Variants in PRKCB observed in about 807,000 individuals in gnomAD.
The protein encoded by PRKCB is protein kinase C beta.
In PRKCB, 13 loss-of-function variants were observed where a neutral mutation model predicts 81.5. That is an observed-to-expected ratio of 0.16 (90% CI 0.10 to 0.25). PRKCB has a LOEUF of 0.25. Ranked by LOEUF, PRKCB falls within the 10% of genes least tolerant of loss-of-function variation. PRKCB has a pLI of 1.00. For missense variants in PRKCB, 509 were observed against 875.7 expected (o/e 0.58, Z 5.29); for synonymous variants, 335 against 321.4 (o/e 1.04, Z -0.45).
intron 2 of PRKCB, among the ~76,000 whole-genome samples, chr16:23,870,035 G>A (rs1017367967): frequency 9.8e-4 from 135 of 137,966 alleles, no homozygotes; most frequent in Admixed American, 3.9e-3. Flanking sequence ...AAAAAAAAAA[G>A]GGTAATTTAA....
intron 4 of PRKCB, among the ~76,000 whole-genome samples, chr16:24,034,203 G>A (rs1315995778): frequency 6.6e-6 from 1 of 152,208 alleles, no homozygotes; most frequent in African/African-American, 2.4e-5. Flanking sequence ...AGTGGTGGGT[G>A]GGAGCTCAGG....
At chr16:24,101,802 C>T (rs1349442639) in intron 7 of PRKCB, among the ~76,000 whole-genome samples, 2 of 152,206 alleles carry the variant, frequency 1.3e-5, no homozygotes, top group Non-Finnish European at 2.9e-5. Flanking sequence ...CTTGTCTACT[C>T]CCCTAAGGCT....
In PRKCB at chr16:23,872,298, T is replaced by C. The variant is rs1424203054; in HGVS notation, c.205+34892T>C. On this transcript the variant is annotated intron_variant, in intron 2 of 16. Coordinates refer to ENST00000643927, the MANE Select transcript of PRKCB (RefSeq NM_002738.7). ...ACTTAGGCCAACTTAGACCAAGAAG[T>C]GGAATAGTTAATAGTTAAATGTCAG... Among the ~76,000 whole-genome samples, 3 of 152,246 alleles carry C rather than the reference T, an allele frequency of 2.0e-5. No homozygotes were observed. In the East Asian group the frequency reaches 5.8e-4, roughly 29 times the overall value.
At chr16:24,159,321 G>A (rs942925061) in intron 10 of PRKCB, among the ~76,000 whole-genome samples, 21 of 152,160 alleles carry the variant, frequency 1.4e-4, no homozygotes, top group African/African-American at 4.3e-4. Flanking sequence ...CTGGGTCATT[G>A]GCTCATTGAG....
chr16:23,941,621 C>A (rs1051918120), intron 2 of PRKCB, among the ~76,000 whole-genome samples: 1 of 152,030 alleles, frequency 6.6e-6, no homozygotes, highest in Admixed American at 6.6e-5. Flanking sequence ...TCTATTAATA[C>A]GTCCCATCAA....
intron 2 of PRKCB, among the ~76,000 whole-genome samples, chr16:23,968,435 A>G (rs767764860): frequency 6.6e-6 from 1 of 152,180 alleles, no homozygotes. Flanking sequence ...TTTGGAGCCT[A>G]TTGAGAGCTG....
intron 12 of PRKCB, among the ~76,000 whole-genome samples, chr16:24,180,497 G>A (rs571621862): frequency 1.3e-5 from 2 of 152,280 alleles, no homozygotes; most frequent in African/African-American, 2.4e-5. Context: ...TGGATGCTCT[G>A]CCCTTTGCTT....
chr16:23,846,483 G>A (rs1962369851), intron 2 of PRKCB, among the ~76,000 whole-genome samples: 1 of 151,752 alleles, frequency 6.6e-6, no homozygotes, highest in African/African-American at 2.4e-5. Flanking sequence ...GGTGGCATGT[G>A]CTTGTAGTCC....
intron 5 of PRKCB, among the ~76,000 whole-genome samples, chr16:24,038,460 A>G (rs1332253011): frequency 6.6e-6 from 1 of 152,272 alleles, no homozygotes; most frequent in African/African-American, 2.4e-5. Context: ...TGTTGCCATC[A>G]TGGAAGGGAA....
chr16:23,964,227 T>G (rs1312734375), intron 2 of PRKCB, among the ~76,000 whole-genome samples: 1 of 152,242 alleles, frequency 6.6e-6, no homozygotes, highest in African/African-American at 2.4e-5. Context: ...GGGAACATTG[T>G]CATCATCACA....
At chr16:24,174,467 A>ATATG (rs1567401916) in intron 11 of PRKCB, 51 bp from the exon 12 acceptor site, 1 of 1,514,294 alleles carries the variant, frequency 6.6e-7, no homozygotes, top group Non-Finnish European at 9.1e-7. Flanking sequence ...ATTGCCAAGC[A>ATATG]TATGGTGTCC....
At chr16:24,205,496 T>C (rs1968032635) in intron 16 of PRKCB, among the ~76,000 whole-genome samples, 1 of 152,140 alleles carries the variant, frequency 6.6e-6, no homozygotes, top group African/African-American at 2.4e-5. Context: ...CTGCGATAAA[T>C]GTAGGAGACT....
At chr16:23,880,830 C>T (rs1198486082) in intron 2 of PRKCB, among the ~76,000 whole-genome samples, 2 of 152,144 alleles carry the variant, frequency 1.3e-5, no homozygotes, top group African/African-American at 2.4e-5. Context: ...ACCCATGTCT[C>T]TCTGTCTCTG....
intron 2 of PRKCB, among the ~76,000 whole-genome samples, chr16:23,987,963 C>T (rs374024477): frequency 3.3e-5 from 5 of 152,320 alleles, no homozygotes; most frequent in African/African-American, 1.2e-4. Context: ...ACTAAAGTGA[C>T]AATGTAAACG....
rs532336368 is a variant in PRKCB, at chr16:24,127,163, C to T, written c.1065+3182C>T. On this transcript the variant is annotated intron_variant, in intron 9 of 16. Coordinates refer to ENST00000643927, the MANE Select transcript of PRKCB (RefSeq NM_002738.7). The stretch of plus-strand genomic sequence containing the variant: ...CTGGCATTACAGGCACGCGCCACCA[C>T]GCCCAGCTAATTTTCCACTTTTAGT... Among the ~76,000 whole-genome samples, 291 of 152,028 alleles carry T rather than the reference C, an allele frequency of 1.9e-3. 1 individual carries two copies. Among genetic ancestry groups the T allele is most frequent in the African/African-American group, 6.6e-3 (275 of 41,436 alleles).
chr16:24,197,962 G>T (rs1481859995), intron 16 of PRKCB, among the ~76,000 whole-genome samples: 1 of 152,206 alleles, frequency 6.6e-6, no homozygotes, highest in Non-Finnish European at 1.5e-5. Context: ...GCGCTGGCTT[G>T]CAGGGCATAG....
intron 2 of PRKCB, among the ~76,000 whole-genome samples, chr16:23,932,427 AT>A (rs1183887692): frequency 3.9e-5 from 6 of 152,176 alleles, no homozygotes; most frequent in Non-Finnish European, 7.4e-5. Context: ...TGCATTTCCT[AT>A]TTTTTGGCAA....
Position 24,123,918 on chromosome 16 carries a change from A to C in PRKCB, c.1002A>C (p.Arg334Ser), listed in dbSNP as rs1027953347. The change falls in exon 9 of 17, where the codon AGA becomes AGC. Residue 334 changes from arginine to serine, a missense_variant. Arg to Ser is a moderately radical substitution (Grantham distance 110, BLOSUM62 -1). This residue lies in a region of PRKCB where 80 missense variants were observed against 89.4 expected (regional missense o/e 0.90). Coordinates refer to ENST00000643927, the MANE Select transcript of PRKCB (RefSeq NM_002738.7). Reference protein sequence around the residue: ...TVSKFDNNGNRDRMKLTDFNF... With the variant: ...TVSKFDNNGNSDRMKLTDFNF... Reference sequence around the variant, plus strand: ...CCAAATTTGACAACAATGGCAACAGAGACCGGATGAAACTGACCGATTTTA... The same window carrying C: ...CCAAATTTGACAACAATGGCAACAGCGACCGGATGAAACTGACCGATTTTA... 6.2e-7 allele frequency: 1 copy of C among 1,614,092 alleles called. No homozygotes were observed. Among genetic ancestry groups the C allele is most frequent in the Non-Finnish European group, 8.5e-7 (1 of 1,180,026 alleles).
At chr16:23,888,031 A>C (rs1963231412) in intron 2 of PRKCB, among the ~76,000 whole-genome samples, 1 of 152,160 alleles carries the variant, frequency 6.6e-6, no homozygotes, top group African/African-American at 2.4e-5. Flanking sequence ...CTGACAGTTA[A>C]TTGCAAGAAT....
Sources: gnomAD v4.1 joint callset for allele counts (sites outside exome capture counted in the v4.1 genomes callset) on GRCh38, gnomAD v4.1.1 for gene constraint, gnomAD v4.1.1 regional missense constraint, MANE v1.5 for transcripts, NCBI Gene and HGNC (gene_info 2026-07-23, HGNC 2026-07-21) for gene names.